SLC35F3: variants seen among roughly 807,000 people sequenced by gnomAD.
SLC35F3 encodes solute carrier family 35 member F3.
SLC35F3 carries 25 observed loss-of-function variants against 49.9 expected under a neutral mutation model. The observed-to-expected ratio is 0.50, with a 90% CI of 0.37 to 0.70. The LOEUF is 0.70. SLC35F3 is among the 30% of genes least tolerant of loss of function. The pLI, the probability that SLC35F3 is intolerant of heterozygous loss-of-function variation, is 0.00. For synonymous variants in SLC35F3, 275 were observed against 265.4 expected, an observed-to-expected ratio of 1.04 and a Z score of -0.35; for missense variants, 525 against 639.8, an observed-to-expected ratio of 0.82 and a Z score of 1.94.
intron 2 of SLC35F3, among the ~76,000 whole-genome samples, chr1:233,962,905 C>T (rs776933588): frequency 6.6e-5 from 10 of 152,196 alleles, no homozygotes; most frequent in South Asian, 4.1e-4. Context: ...ACTCTTTGCA[C>T]GGACCTTGTA....
intron 2 of SLC35F3, among the ~76,000 whole-genome samples, chr1:234,225,195 A>G (rs1667268511): frequency 6.6e-6 from 1 of 152,156 alleles, no homozygotes; most frequent in African/African-American, 2.4e-5. Context: ...CCTTTCCTCT[A>G]CATCACTGCC....
At chr1:233,990,528 A>G (rs1210763292) in intron 2 of SLC35F3, among the ~76,000 whole-genome samples, 2 of 152,244 alleles carry the variant, frequency 1.3e-5, no homozygotes, top group Admixed American at 1.3e-4. Context: ...AGTAACTTCT[A>G]GAGACCTAAT....
At chr1:234,242,753 T>A (rs1667573248) in intron 3 of SLC35F3, among the ~76,000 whole-genome samples, 1 of 152,232 alleles carries the variant, frequency 6.6e-6, no homozygotes, top group Non-Finnish European at 1.5e-5. Context: ...TTTTCTTACC[T>A]AAGTGCCTTA....
chr1:233,952,560 G>A (rs1662625492), intron 2 of SLC35F3, among the ~76,000 whole-genome samples: 1 of 152,148 alleles, frequency 6.6e-6, no homozygotes. Flanking sequence ...CCTCCACACA[G>A]ACTCCCACCT....
chr1:234,123,186 T>C (rs937555570), intron 2 of SLC35F3, among the ~76,000 whole-genome samples: 1 of 152,230 alleles, frequency 6.6e-6, no homozygotes. Flanking sequence ...GGGTATCTCA[T>C]TGTGGTTTGG....
At chr1:234,302,302 G>A (rs1355957452) in intron 3 of SLC35F3, among the ~76,000 whole-genome samples, 1 of 152,066 alleles carries the variant, frequency 6.6e-6, no homozygotes. Flanking sequence ...GGTGTTTCAG[G>A]GAGAAACAGT....
chr1:234,137,639 A>T (rs777747661), intron 2 of SLC35F3, among the ~76,000 whole-genome samples: 1 of 152,208 alleles, frequency 6.6e-6, no homozygotes, highest in Admixed American at 6.5e-5. Flanking sequence ...CCTGAGTAAG[A>T]GGCATCTTCG....
In SLC35F3 at chr1:234,183,434, T is replaced by A. The variant is rs75355674; in HGVS notation, c.284-47983T>A. Among the ~76,000 whole-genome samples the A allele has an allele frequency of 2.4e-3, 343 of 143,474 alleles. 31 individuals are homozygous for A. The highest frequency in any genetic ancestry group is 3.4e-3 in the Non-Finnish European group (229 of 67,180). The allele number at this position is 143,474 out of a possible 152,430, so 94.1% of individuals were successfully genotyped here. On this transcript the variant is annotated intron_variant, in intron 2 of 7. Transcript: ENST00000366618. ...TTAAGAAAATGCATATGGTTGTTTT[T>A]TACGTATGTAAATATTTCAGAGTGA...
chr1:234,138,845 C>CCCTGG (rs1301406851), intron 2 of SLC35F3, among the ~76,000 whole-genome samples: 1 of 152,166 alleles, frequency 6.6e-6, no homozygotes, highest in Non-Finnish European at 1.5e-5. Flanking sequence ...GAGCCACTGC[C>CCCTGG]CCTGGCCTTG....
At chr1:234,307,657 T>C (rs1657232582) in intron 3 of SLC35F3, among the ~76,000 whole-genome samples, 1 of 152,230 alleles carries the variant, frequency 6.6e-6, no homozygotes, top group South Asian at 2.1e-4. Context: ...AGAGATGTCT[T>C]TTCTTTTGTT....
chr1:233,912,774 A>G (rs571554676), intron 2 of SLC35F3, among the ~76,000 whole-genome samples: 1 of 152,362 alleles, frequency 6.6e-6, no homozygotes, highest in South Asian at 2.1e-4. Flanking sequence ...ATGCAACTCA[A>G]AATGGCACAC....
intron 2 of SLC35F3, among the ~76,000 whole-genome samples, chr1:233,996,154 A>G (rs1431443487): frequency 6.6e-6 from 1 of 152,202 alleles, no homozygotes; most frequent in Admixed American, 6.5e-5. Flanking sequence ...GAAAATATTC[A>G]GGAAAAAACG....
rs138299684 is a variant in SLC35F3, at chr1:234,040,938, A to G, written c.283+135180A>G. On this transcript the variant is annotated intron_variant, in intron 2 of 7. Coordinates refer to ENST00000366618, the MANE Select transcript of SLC35F3 (RefSeq NM_173508.4). ...CAGCTGCGAACAGATGAGTAATGCT[A>G]TGGATCATTTGCAGGGTCCTGCAGG... Among the ~76,000 whole-genome samples, 297 of 152,338 alleles carry G rather than the reference A, an allele frequency of 1.9e-3. 1 individual carries two copies. The highest frequency in any genetic ancestry group is 6.6e-3 in the African/African-American group (274 of 41,582).
At chr1:234,168,083 G>C (rs2102917141) in intron 2 of SLC35F3, among the ~76,000 whole-genome samples, 1 of 152,276 alleles carries the variant, frequency 6.6e-6, no homozygotes, top group East Asian at 1.9e-4. Context: ...GGCCAGGTCA[G>C]GCCTGAGGTC....
intron 2 of SLC35F3, among the ~76,000 whole-genome samples, chr1:233,955,867 G>A (rs868670219): frequency 1.4e-5 from 2 of 146,436 alleles, no homozygotes; most frequent in Non-Finnish European, 3.0e-5. Flanking sequence ...CAGCAGAGGA[G>A]GTGTGGGTAT....
chr1:234,236,062 A>G (rs1382558159), intron 3 of SLC35F3, among the ~76,000 whole-genome samples: 1 of 152,158 alleles, frequency 6.6e-6, no homozygotes, highest in Non-Finnish European at 1.5e-5. Flanking sequence ...GTGGGGGTGC[A>G]TGCAAGGGAG....
intron 2 of SLC35F3, among the ~76,000 whole-genome samples, chr1:234,145,720 A>G (rs1332995830): frequency 6.6e-6 from 1 of 152,198 alleles, no homozygotes; most frequent in Non-Finnish European, 1.5e-5. Context: ...GAAGATATGC[A>G]TGGGTTATAT....
chr1:233,911,737 G>A (rs1203708408), intron 2 of SLC35F3, among the ~76,000 whole-genome samples: 2 of 152,144 alleles, frequency 1.3e-5, no homozygotes, highest in Non-Finnish European at 2.9e-5. Flanking sequence ...TAAGTGATGG[G>A]AGACACAGTC....
intron 2 of SLC35F3, among the ~76,000 whole-genome samples, chr1:234,189,462 ACG>A (rs1336152192): frequency 6.6e-6 from 1 of 151,696 alleles, no homozygotes; most frequent in East Asian, 1.9e-4. Flanking sequence ...AAGCAGAAGA[ACG>A]AACTTCAGAG....
Sources: gnomAD v4.1 joint callset for allele counts (sites outside exome capture counted in the v4.1 genomes callset) on GRCh38, gnomAD v4.1.1 for gene constraint, MANE v1.5 for transcripts, NCBI Gene and HGNC (gene_info 2026-07-23, HGNC 2026-07-21) for gene names.